Variants in COMMD10 observed in about 807,000 individuals in gnomAD.
COMMD10 encodes the protein COMM domain-containing protein 10.
In COMMD10, 33 loss-of-function variants were observed where a neutral mutation model predicts 28.9. The ratio of observed to expected loss-of-function variants is 1.14; its 90% CI spans 0.87 to 1.53. The LOEUF is 1.53. Among genes scored for constraint, COMMD10 ranks in the 40% most tolerant of loss-of-function variants. COMMD10 has a pLI of 0.00. For synonymous variants in COMMD10, 110 were observed against 81.7 expected (o/e 1.35, Z -1.87); for missense variants, 310 against 233.4 (o/e 1.33, Z -2.14).
intron 5 of COMMD10, among the ~76,000 whole-genome samples, chr5:116,226,946 ACT>A (rs1749407914): frequency 6.6e-6 from 1 of 152,044 alleles, no homozygotes; most frequent in East Asian, 1.9e-4. Context: ...CTCCCATTTC[ACT>A]CTCATTTCAT....
intron 4 of COMMD10, among the ~76,000 whole-genome samples, chr5:116,118,590 G>A (rs1295408960): frequency 6.6e-6 from 1 of 151,940 alleles, no homozygotes; most frequent in Non-Finnish European, 1.5e-5. Flanking sequence ...ATTCTTTTGT[G>A]TTTTCATTTT....
At chr5:116,120,515 AT>A (rs1580461254) in intron 4 of COMMD10, among the ~76,000 whole-genome samples, 1 of 152,064 alleles carries the variant, frequency 6.6e-6, no homozygotes, top group Non-Finnish European at 1.5e-5. Context: ...ATTAAAAAAA[AT>A]TTTTTTTAAA....
At chr5:116,112,188 C>G (rs10045890) in intron 4 of COMMD10, among the ~76,000 whole-genome samples, 113,074 of 151,990 alleles carry the variant, frequency 0.74, 42,401 homozygotes, top group Non-Finnish European at 0.8. Context: ...TGATATTTCT[C>G]GATGTAGAAC....
rs138969892 is a variant in COMMD10, at chr5:116,174,361, A to C, written c.510+40183A>C. 2.6e-3 allele frequency among the ~76,000 whole-genome samples: 403 copies of C among 152,222 alleles called. 2 individuals carry two copies. Among genetic ancestry groups the C allele is most frequent in the African/African-American group, 9.2e-3 (382 of 41,548 alleles). On this transcript the variant is annotated intron_variant, in intron 5 of 6. Transcript: ENST00000274458. ...TAATAATGGGTATGGGAGGACATGG[A>C]ATTCTGTATTGCCTTATAGGACTTG...
chr5:116,127,871 C>T (rs991242797), intron 4 of COMMD10, among the ~76,000 whole-genome samples: 3 of 151,932 alleles, frequency 2.0e-5, no homozygotes, highest in Admixed American at 1.3e-4. Flanking sequence ...CACATGTATA[C>T]ATATGTCACA....
intron 5 of COMMD10, among the ~76,000 whole-genome samples, chr5:116,283,357 T>C (rs1262173961): frequency 6.6e-6 from 1 of 151,686 alleles, no homozygotes; most frequent in Non-Finnish European, 1.5e-5. Context: ...ACAACTTTTT[T>C]TTTTTTTAAG....
chr5:116,254,729 G>A (rs1046451127), intron 5 of COMMD10, among the ~76,000 whole-genome samples: 26 of 151,864 alleles, frequency 1.7e-4, no homozygotes, highest in African/African-American at 6.1e-4. Context: ...TATGTGGTCA[G>A]TTTTGGAATA....
At chr5:116,292,387 A>T in intron 6 of COMMD10, 64 bp from the exon 7 acceptor site, 1 of 1,119,624 alleles carries the variant, frequency 8.9e-7, no homozygotes, top group East Asian at 2.6e-5. Flanking sequence ...GTGTCTGAAT[A>T]ACACTTGATA....
At chr5:116,246,435 C>G (rs1381676121) in intron 5 of COMMD10, among the ~76,000 whole-genome samples, 1 of 151,736 alleles carries the variant, frequency 6.6e-6, no homozygotes, top group Non-Finnish European at 1.5e-5. Context: ...CAGTGCTATT[C>G]CTATTAAACC....
chr5:116,219,307 C>T (rs1316157155), intron 5 of COMMD10, among the ~76,000 whole-genome samples: 1 of 152,170 alleles, frequency 6.6e-6, no homozygotes, highest in Non-Finnish European at 1.5e-5. Context: ...CCTTCCCCTT[C>T]CCCTTCCCAT....
chr5:116,203,370 G>C (rs1748722186), intron 5 of COMMD10, among the ~76,000 whole-genome samples: 1 of 152,030 alleles, frequency 6.6e-6, no homozygotes, highest in Admixed American at 6.6e-5. Context: ...CCAACATTCA[G>C]ATTCAGGAAA....
chr5:116,263,917 G>A (rs1750516143), intron 5 of COMMD10, among the ~76,000 whole-genome samples: 1 of 151,766 alleles, frequency 6.6e-6, no homozygotes, highest in Admixed American at 6.6e-5. Context: ...TGTGTCACAA[G>A]CCATGGTCGC....
chr5:116,242,077 T>G (rs116023738), intron 5 of COMMD10, among the ~76,000 whole-genome samples: 1 of 152,180 alleles, frequency 6.6e-6, no homozygotes, highest in South Asian at 2.1e-4. Flanking sequence ...GTAACTCTAA[T>G]GTACATTCCT....
At chr5:116,090,917 G>T (rs1476950539) in intron 2 of COMMD10, among the ~76,000 whole-genome samples, 162 bp from the exon 3 acceptor site, 1 of 152,124 alleles carries the variant, frequency 6.6e-6, no homozygotes, top group Non-Finnish European at 1.5e-5. Flanking sequence ...CTAGAAATGA[G>T]CATCATATGT....
chr5:116,238,717 TC>T (rs1245081810), intron 5 of COMMD10, among the ~76,000 whole-genome samples: 1 of 152,172 alleles, frequency 6.6e-6, no homozygotes, highest in Non-Finnish European at 1.5e-5. Context: ...GATGAAAATC[TC>T]CAGCTCATAC....
intron 5 of COMMD10, among the ~76,000 whole-genome samples, chr5:116,179,835 G>C (rs907886904): frequency 6.6e-6 from 1 of 152,024 alleles, no homozygotes; most frequent in Non-Finnish European, 1.5e-5. Flanking sequence ...AAAGGTAGTA[G>C]TAGTAGGAAT....
chr5:116,212,858 T>C (rs1278989331), intron 5 of COMMD10, among the ~76,000 whole-genome samples: 1 of 152,048 alleles, frequency 6.6e-6, no homozygotes, highest in Non-Finnish European at 1.5e-5. Flanking sequence ...ACACTTAAAA[T>C]TACTTGTTCT....
intron 4 of COMMD10, among the ~76,000 whole-genome samples, chr5:116,100,697 A>G (rs1184910408): frequency 2.6e-5 from 4 of 151,952 alleles, no homozygotes; most frequent in Non-Finnish European, 5.9e-5. Context: ...ACTTGACATT[A>G]ATAGCTTTTT....
chr5:116,193,925 A>G (rs994505151), intron 5 of COMMD10, among the ~76,000 whole-genome samples: 2 of 152,140 alleles, frequency 1.3e-5, no homozygotes, highest in African/African-American at 4.8e-5. Flanking sequence ...CCATAAAATG[A>G]GCCTCAATAA....
Sources: allele counts gnomAD v4.1 joint callset (sites outside exome capture counted in the v4.1 genomes callset), GRCh38; gene constraint gnomAD v4.1.1; transcripts MANE v1.5; gene names NCBI Gene and HGNC (gene_info 2026-07-23, HGNC 2026-07-21).